The following AKT3 variants were observed in gnomAD, a reference collection of about 807,000 sequenced individuals.
The protein encoded by AKT3 is AKT serine/threonine kinase 3, also known as RAC-gamma serine/threonine-protein kinase.
In AKT3, 15 loss-of-function variants were observed where a neutral mutation model predicts 65.3. That is an observed-to-expected ratio of 0.23 (90% CI 0.15 to 0.35). The LOEUF (loss-of-function observed/expected upper bound fraction) is 0.35. Among genes scored for constraint, AKT3 ranks in the 10% least tolerant of loss-of-function variants. The pLI is 1.00. For missense variants in AKT3, 243 were observed against 576.5 expected (o/e 0.42, Z 5.92); for synonymous variants, 206 against 183.8 (o/e 1.12, Z -0.98).
intron 13 of AKT3, among the ~76,000 whole-genome samples, chr1:243,509,403 G>A (rs1008113449): frequency 6.6e-6 from 1 of 152,154 alleles, no homozygotes; most frequent in Non-Finnish European, 1.5e-5. Context: ...TGTCGAGTAA[G>A]GAATAAAGCA....
Position 243,503,634 on chromosome 1 carries a change from A to C in AKT3, c.*1615T>G. ...AATGAAGGAGAAAGATGAGGTTTGC[A>C]TACATGCCCCCTTTCAGTGAGAAAT... On this transcript the variant is annotated 3_prime_UTR_variant, in exon 14 of 14. Coordinates refer to ENST00000673466, the MANE Select transcript of AKT3 (RefSeq NM_005465.7). 4.3e-6 allele frequency: 1 copy of C among 232,836 alleles called. No homozygotes were observed. Among genetic ancestry groups the C allele is most frequent in the Non-Finnish European group, 8.5e-6 (1 of 117,510 alleles). 14.4% of individuals were successfully genotyped at this position (232,836 alleles called of 1,614,324 possible).
At chr1:243,653,316 T>G (rs1178679340) in intron 4 of AKT3, among the ~76,000 whole-genome samples, 1 of 152,192 alleles carries the variant, frequency 6.6e-6, no homozygotes, top group Non-Finnish European at 1.5e-5. Flanking sequence ...AATCCCTGAA[T>G]AGACCAACAA....
At chr1:243,777,932 G>C (rs1488232546) in intron 2 of AKT3, among the ~76,000 whole-genome samples, 1 of 152,112 alleles carries the variant, frequency 6.6e-6, no homozygotes, top group Non-Finnish European at 1.5e-5. Flanking sequence ...GACTCACCTT[G>C]AGGCATGTAT....
intron 4 of AKT3, among the ~76,000 whole-genome samples, chr1:243,655,284 C>T (rs1681683348): frequency 6.6e-6 from 1 of 152,146 alleles, no homozygotes; most frequent in Non-Finnish European, 1.5e-5. Flanking sequence ...TTCTATGGGG[C>T]TCTTTCTTTT....
chr1:243,673,639 G>C (rs938330376), intron 3 of AKT3, among the ~76,000 whole-genome samples: 8 of 116,796 alleles, frequency 6.8e-5, no homozygotes, highest in Admixed American at 5.4e-4. Flanking sequence ...TTTTTAGACA[G>C]AGTCTTGCTC....
chr1:243,535,119 T>TAAATTTTAAAATATAAAATTAA (rs1671802678), intron 12 of AKT3, among the ~76,000 whole-genome samples: 1 of 141,566 alleles, frequency 7.1e-6, no homozygotes, highest in Non-Finnish European at 1.5e-5. Flanking sequence ...CTCCCTTGCA[T>TAAATTTTAAAATATAAAATTAA]AAATTTTAAA....
chr1:243,525,830 A>G (rs61833176), intron 12 of AKT3, among the ~76,000 whole-genome samples: 1 of 2 alleles, frequency 0.5, no homozygotes, highest in Non-Finnish European at 0.5. Context: ...GGAGGGAGGG[A>G]GGGAGGGGGA....
chr1:243,634,558 T>C (rs1325772755), intron 6 of AKT3, among the ~76,000 whole-genome samples: 2 of 151,996 alleles, frequency 1.3e-5, no homozygotes, highest in African/African-American at 4.8e-5. Flanking sequence ...TACTCATCTA[T>C]ATTTAGGCTG....
chr1:243,656,255 C>T (rs1681782151), intron 4 of AKT3, among the ~76,000 whole-genome samples: 1 of 152,058 alleles, frequency 6.6e-6, no homozygotes, highest in Admixed American at 6.6e-5. Context: ...GAAACAAGTA[C>T]ATTAATCTTT....
At chr1:243,517,271 A>T (rs1670424850) in intron 12 of AKT3, among the ~76,000 whole-genome samples, 1 of 152,174 alleles carries the variant, frequency 6.6e-6, no homozygotes, top group Non-Finnish European at 1.5e-5. Context: ...CCTTGAGAAA[A>T]ATAAGTGTTC....
chr1:243,811,562 G>A (rs1191099340), intron 2 of AKT3, among the ~76,000 whole-genome samples: 4 of 152,134 alleles, frequency 2.6e-5, no homozygotes, highest in Non-Finnish European at 5.9e-5. Context: ...CTCATGGATA[G>A]GAAGAATCAA....
intron 2 of AKT3, among the ~76,000 whole-genome samples, chr1:243,815,976 A>G (rs1214081376): frequency 6.6e-6 from 1 of 152,148 alleles, no homozygotes; most frequent in African/African-American, 2.4e-5. Flanking sequence ...CAATACAATA[A>G]GGTTTTATTA....
rs542782045 is a variant in AKT3, at chr1:243,634,369, G to C, written c.561+3242C>G. On this transcript the variant is annotated intron_variant, in intron 6 of 13. Coordinates refer to ENST00000673466, the MANE Select transcript of AKT3 (RefSeq NM_005465.7). ...TTTTTTTCCTACACATACTACCTAA[G>C]ATAAAGTTTAATTTGTAAATTAGGC... Among the ~76,000 whole-genome samples, 3 of 151,932 alleles carry C rather than the reference G, an allele frequency of 2.0e-5. No homozygotes were observed. In the South Asian group the frequency reaches 6.2e-4, roughly 32 times the overall value.
intron 2 of AKT3, among the ~76,000 whole-genome samples, chr1:243,808,447 G>C (rs768020600): frequency 2.2e-4 from 34 of 152,148 alleles, no homozygotes; most frequent in Non-Finnish European, 1.3e-4. Context: ...AAGATCAAAT[G>C]AATGAAATGA....
At chr1:243,631,599 T>G (rs1428670358) in intron 6 of AKT3, among the ~76,000 whole-genome samples, 1 of 152,220 alleles carries the variant, frequency 6.6e-6, no homozygotes, top group Non-Finnish European at 1.5e-5. Flanking sequence ...TGGCAATTTC[T>G]TAAAATGAGA....
intron 2 of AKT3, among the ~76,000 whole-genome samples, chr1:243,810,231 C>A (rs1693039803): frequency 6.6e-6 from 1 of 151,998 alleles, no homozygotes; most frequent in South Asian, 2.1e-4. Flanking sequence ...ATCAGTGAAT[C>A]CAGGAGATGG....
intron 2 of AKT3, among the ~76,000 whole-genome samples, chr1:243,803,646 ACACACAC>A (rs1558825910): frequency 9.4e-3 from 7 of 742 alleles, no homozygotes; most frequent in Admixed American, 0.028. Flanking sequence ...ACGTACATGT[ACACACAC>A]ACACACACAC....
intron 8 of AKT3, among the ~76,000 whole-genome samples, chr1:243,596,903 C>T (rs1676655479): frequency 6.6e-6 from 1 of 152,078 alleles, no homozygotes; most frequent in Non-Finnish European, 1.5e-5. Flanking sequence ...AGTTAACAAT[C>T]TCAAAAAACA....
At chr1:243,592,866 A>C (rs1203936284) in intron 8 of AKT3, among the ~76,000 whole-genome samples, 1 of 152,238 alleles carries the variant, frequency 6.6e-6, no homozygotes, top group African/African-American at 2.4e-5. Context: ...AAAAATAATA[A>C]TGCATAGTGG....
Sources: allele counts gnomAD v4.1 joint callset (sites outside exome capture counted in the v4.1 genomes callset), GRCh38; gene constraint gnomAD v4.1.1; transcripts MANE v1.5; gene names NCBI Gene and HGNC (gene_info 2026-07-23, HGNC 2026-07-21).